The following DPP6 variants were observed in gnomAD, a reference collection of about 807,000 sequenced individuals.
DPP6 encodes A-type potassium channel modulatory protein DPP6.
A neutral mutation model predicts 122.6 loss-of-function variants in DPP6; 69 were observed. The observed-to-expected ratio is 0.56, with a 90% CI of 0.46 to 0.69. The LOEUF (loss-of-function observed/expected upper bound fraction) is 0.69. Ranked by LOEUF, DPP6 falls within the 30% of genes least tolerant of loss-of-function variation. The pLI, the probability that DPP6 is intolerant of heterozygous loss-of-function variation, is 0.00. For synonymous variants in DPP6, 418 were observed against 433.1 expected, an observed-to-expected ratio of 0.97 and a Z score of 0.43; for missense variants, 928 against 1,116.9, an observed-to-expected ratio of 0.83 and a Z score of 2.41.
chr7:154,282,501 C>G lies in DPP6; in HGVS notation c.244-163713C>G, dbSNP rs1210129229. On this transcript the variant is annotated intron_variant, in intron 1 of 25. Transcript: ENST00000377770. This position sits in a 1 kb window ranked among gnomAD's most constrained non-coding sequence, Gnocchi z 4.8. ...ACGCCCCTTGGGAGAGTGTGGCACA[C>G]TGGAAGAAAGACACGCTGTATCCTG... 1.3e-5 allele frequency among the ~76,000 whole-genome samples: 2 copies of G among 152,156 alleles called. No individual in the cohort carries two copies. The highest frequency in any genetic ancestry group is 2.9e-5 in the Non-Finnish European group (2 of 68,036).
At chr7:154,824,583 A>C (rs761781011) in intron 16 of DPP6, among the ~76,000 whole-genome samples, 29 of 152,206 alleles carry the variant, frequency 1.9e-4, no homozygotes, top group Non-Finnish European at 3.7e-4. Context: ...CCATCCAGGA[A>C]TGTTATCTTA....
chr7:153,871,800 A>C, the DPP6 span, among the ~76,000 whole-genome samples: 3 of 152,096 alleles, frequency 2.0e-5, no homozygotes, highest in Non-Finnish European at 4.4e-5. Context: ...GCTCCACCCC[A>C]AAAATAGTGT....
At chr7:154,505,990 T>G (rs1454246158) in intron 3 of DPP6, among the ~76,000 whole-genome samples, 3 of 152,068 alleles carry the variant, frequency 2.0e-5, no homozygotes, top group African/African-American at 7.2e-5. Flanking sequence ...TTATTTATAT[T>G]TATTTATCTA....
chr7:154,494,308 A>G (rs1343104552), intron 3 of DPP6, among the ~76,000 whole-genome samples: 5 of 151,696 alleles, frequency 3.3e-5, no homozygotes, highest in African/African-American at 4.8e-5. Flanking sequence ...GTGGGCTGAC[A>G]TCGCACCACT....
At chr7:153,829,193 G>A in the DPP6 span, among the ~76,000 whole-genome samples, 556 of 152,150 alleles carry the variant, frequency 3.7e-3, 2 homozygotes, top group African/African-American at 0.013. Context: ...TTTGGCTTTC[G>A]AGGTCTGTGT....
At chr7:154,278,953 G>T (rs1250025379) in intron 1 of DPP6, among the ~76,000 whole-genome samples, 1 of 151,816 alleles carries the variant, frequency 6.6e-6, no homozygotes, top group Non-Finnish European at 1.5e-5. Flanking sequence ...TGTGTGGTAT[G>T]TATATGGGCA....
chr7:154,720,780 C>T (rs1841762201), intron 7 of DPP6, among the ~76,000 whole-genome samples: 1 of 152,260 alleles, frequency 6.6e-6, no homozygotes, highest in Non-Finnish European at 1.5e-5. Flanking sequence ...GCCCCTTCAC[C>T]AGAACGGAAT....
intron 3 of DPP6, among the ~76,000 whole-genome samples, chr7:154,504,056 A>G (rs1825473437): frequency 6.6e-6 from 1 of 152,206 alleles, no homozygotes; most frequent in African/African-American, 2.4e-5. Context: ...ACATTGATGA[A>G]TTTAGAAATG....
chr7:153,888,860 G>A (rs557581425), intron 1 of DPP6, among the ~76,000 whole-genome samples: 2 of 152,300 alleles, frequency 1.3e-5, no homozygotes, highest in Non-Finnish European at 2.9e-5. Context: ...GTTGTTTACA[G>A]AAGTGGGTTG....
intron 5 of DPP6, among the ~76,000 whole-genome samples, chr7:154,626,452 G>A (rs116393614): frequency 0.016 from 2,462 of 152,150 alleles, 61 homozygotes; most frequent in African/African-American, 0.052. Flanking sequence ...TCCTCTTAAC[G>A]ACTCATTGCA....
intron 1 of DPP6, among the ~76,000 whole-genome samples, chr7:154,356,354 A>AT (rs1811266498): frequency 2.0e-5 from 3 of 152,266 alleles, no homozygotes. Context: ...GTACTTGTGG[A>AT]TTTGTTGATT....
intron 1 of DPP6, among the ~76,000 whole-genome samples, chr7:154,221,466 G>A (rs193275388): frequency 3.7e-4 from 57 of 152,166 alleles, no homozygotes; most frequent in Middle Eastern, 3.4e-3. Context: ...CCCTCATTAG[G>A]TTTCAATATA....
chr7:153,921,603 G>A lies in DPP6; in HGVS notation c.51+33869G>A, dbSNP rs1000773267. On this transcript the variant is annotated intron_variant, in intron 1 of 25. Coordinates refer to the DPP6 transcript ENST00000404039. ...CAGCCACAGTGCCACTGTAAAGAGG[G>A]AACACATTGTTCACAGCCTAAATAT... is the stretch of plus-strand genomic sequence containing the variant. Among the ~76,000 whole-genome samples, 5 of 152,186 alleles carry A rather than the reference G, an allele frequency of 3.3e-5. No homozygotes were observed. The South Asian group carries it at 1.0e-3, about 32-fold the overall frequency.
chr7:154,668,510 C>A (rs939413121), intron 6 of DPP6, among the ~76,000 whole-genome samples: 1 of 151,900 alleles, frequency 6.6e-6, no homozygotes. Context: ...TGAGCCACCG[C>A]GCTCAGCCCC....
At chr7:154,674,637 T>C (rs1354746410) in intron 7 of DPP6, among the ~76,000 whole-genome samples, 2 of 152,184 alleles carry the variant, frequency 1.3e-5, no homozygotes, top group African/African-American at 2.4e-5. Flanking sequence ...GCTACCATGA[T>C]AGTGATAAAT....
chr7:154,089,385 A>G (rs368224014), intron 1 of DPP6, among the ~76,000 whole-genome samples: 8 of 138,116 alleles, frequency 5.8e-5, no homozygotes, highest in African/African-American at 2.2e-4. Flanking sequence ...TGTGGATTTT[A>G]GAACTAGGTA....
intron 1 of DPP6, among the ~76,000 whole-genome samples, chr7:154,326,023 T>C (rs1215452799): frequency 1.3e-5 from 2 of 152,348 alleles, no homozygotes; most frequent in South Asian, 2.1e-4. Context: ...GCATGAAGCC[T>C]GTACTTCTTT....
intron 6 of DPP6, among the ~76,000 whole-genome samples, chr7:154,660,605 C>G (rs1837590867): frequency 7.3e-6 from 1 of 136,310 alleles, no homozygotes; most frequent in African/African-American, 3.0e-5. Flanking sequence ...CATGGTGAAT[C>G]ACCATGGCAT....
intron 18 of DPP6, among the ~76,000 whole-genome samples, chr7:154,872,011 G>A (rs1804440086): frequency 6.6e-6 from 1 of 152,110 alleles, no homozygotes; most frequent in Non-Finnish European, 1.5e-5. Context: ...GGTAGCCACG[G>A]GATCCAATGG....
Sources: allele counts gnomAD v4.1 joint callset (sites outside exome capture counted in the v4.1 genomes callset), GRCh38; gene constraint gnomAD v4.1.1; non-coding constraint Gnocchi (gnomAD v3.1); transcripts MANE v1.5; gene names NCBI Gene and HGNC (gene_info 2026-07-23, HGNC 2026-07-21).